NMU: variants seen among roughly 807,000 people sequenced by gnomAD.
NMU encodes the protein neuromedin U, also known as neuromedin-U.
In NMU, 29 loss-of-function variants were observed where a neutral mutation model predicts 35.4. That is an observed-to-expected ratio of 0.82 (90% confidence interval 0.61 to 1.12). The LOEUF is 1.12. NMU is among the 50% of genes most tolerant of loss of function. The pLI is 0.00. For synonymous variants in NMU, 78 were observed against 81.3 expected, an observed-to-expected ratio of 0.96 and a Z score of 0.22; for missense variants, 199 against 206.2, an observed-to-expected ratio of 0.97 and a Z score of 0.21.
At chr4:55,630,962 G>T (rs751845697) in intron 1 of NMU, among the ~76,000 whole-genome samples, 10 of 152,086 alleles carry the variant, frequency 6.6e-5, no homozygotes, top group Non-Finnish European at 1.5e-4. Context: ...AAACAGTATG[G>T]TACTGGTATA....
chr4:55,596,607 C>T (rs946869407), intron 9 of NMU, among the ~76,000 whole-genome samples: 1 of 151,984 alleles, frequency 6.6e-6, no homozygotes, highest in African/African-American at 2.4e-5. Flanking sequence ...GATATGTTTT[C>T]TCATATTCCT....
intron 2 of NMU, among the ~76,000 whole-genome samples, chr4:55,625,169 TAA>T (rs760890031): frequency 1.7e-4 from 17 of 98,330 alleles, no homozygotes; most frequent in Admixed American, 8.7e-4. Context: ...AAAGTATAAT[TAA>T]AAAAAAAAAA....
In NMU at chr4:55,599,302, T is replaced by G. The variant is rs1161742954; in HGVS notation, c.490-121A>C. On this transcript the variant is annotated intron_variant, in intron 8 of 9. Transcript: ENST00000264218. ...GCATCACAATCATCTAGAGGGCTTTTTACAACATAGACTGCTGGACCCCAT... is the reference window on the plus strand; with the variant it reads ...GCATCACAATCATCTAGAGGGCTTTGTACAACATAGACTGCTGGACCCCAT... The G allele has an allele frequency of 2.0e-5, 16 of 790,692 alleles. No individual in the cohort carries two copies. The Middle Eastern group carries it at 1.2e-3, about 57-fold the overall frequency. 49.0% of individuals were successfully genotyped at this position (790,692 alleles called of 1,614,324 possible).
intron 7 of NMU, among the ~76,000 whole-genome samples, chr4:55,604,025 A>ATG (rs1733566657): frequency 9.7e-4 from 70 of 71,862 alleles, no homozygotes; most frequent in African/African-American, 2.4e-3. Flanking sequence ...GTGTATATAT[A>ATG]TAATCCTAGA....
chr4:55,604,883 T>A (rs1381375096), intron 7 of NMU, among the ~76,000 whole-genome samples: 1 of 151,856 alleles, frequency 6.6e-6, no homozygotes, highest in African/African-American at 2.4e-5. Context: ...CCATCCTAGC[T>A]ATTTGCCAAG....
intron 9 of NMU, among the ~76,000 whole-genome samples, chr4:55,596,481 AGC>A (rs1445827397): frequency 1.3e-5 from 2 of 151,876 alleles, no homozygotes; most frequent in Non-Finnish European, 2.9e-5. Flanking sequence ...TTTAATATTA[AGC>A]TATTTAATAA....
intron 3 of NMU, among the ~76,000 whole-genome samples, chr4:55,613,884 C>A (rs1289654375): frequency 1.3e-5 from 2 of 152,122 alleles, no homozygotes; most frequent in Non-Finnish European, 2.9e-5. Flanking sequence ...CAGCGACCAC[C>A]AAGCATATGA....
At chr4:55,605,204 C>A in intron 7 of NMU, 71 bp downstream of exon 7, 1 of 1,007,428 alleles carries the variant, frequency 9.9e-7, no homozygotes, top group Non-Finnish European at 1.6e-6. Flanking sequence ...TGAACTACCA[C>A]AGCTGGGAAT....
chr4:55,636,681 C>A (rs1422984251), upstream of NMU: 1 of 153,430 alleles, frequency 6.5e-6, no homozygotes, highest in East Asian at 1.9e-4. This position sits in a 1 kb window ranked among gnomAD's most constrained non-coding sequence, Gnocchi z 4.0. Flanking sequence ...TTCCAGAGCT[C>A]CGGCAGTCAC....
intron 7 of NMU, among the ~76,000 whole-genome samples, chr4:55,602,891 A>G (rs1733481252): frequency 6.6e-6 from 1 of 152,144 alleles, no homozygotes; most frequent in Non-Finnish European, 1.5e-5. Flanking sequence ...ATTCACCTAA[A>G]CTCTATGTGT....
At chr4:55,636,303 G>A (rs951844845), upstream of NMU, 70 of 1,339,842 alleles carry the variant, frequency 5.2e-5, no homozygotes, top group Non-Finnish European at 6.6e-5. This position sits in a 1 kb window ranked among gnomAD's most constrained non-coding sequence, Gnocchi z 4.0. Flanking sequence ...AGGACTGAGC[G>A]CCCGGCGAGC....
At chr4:55,611,767 C>T (rs79485694) in intron 3 of NMU, among the ~76,000 whole-genome samples, 2,642 of 152,248 alleles carry the variant, frequency 0.017, 69 homozygotes, top group African/African-American at 0.06. Flanking sequence ...GTAGGCTGTA[C>T]ATCTAGATTT....
At chr4:55,636,355 C>CGGCGG, upstream of NMU, 4 of 1,085,012 alleles carry the variant, frequency 3.7e-6, no homozygotes, top group Non-Finnish European at 4.8e-6. This position sits in a 1 kb window ranked among gnomAD's most constrained non-coding sequence, Gnocchi z 4.0. Context: ...CTGGGCTGCG[C>CGGCGG]GGTCCCCGCC....
In NMU at chr4:55,605,366, A is replaced by G. The variant is rs755461930; in HGVS notation, c.361-17T>C. 7.5e-6 allele frequency: 12 copies of G among 1,591,992 alleles called. No homozygotes were observed. The highest frequency in any genetic ancestry group is 3.3e-5 in the South Asian group (3 of 90,668). ...AACTGACGACTGAGAGGACATGAAC[A>G]CACACGTGAATAAGTGCATGGCTTC... On this transcript the variant is annotated splice_polypyrimidine_tract_variant and intron_variant, in intron 6 of 9. Coordinates refer to ENST00000264218, the MANE Select transcript of NMU (RefSeq NM_006681.4).
intron 1 of NMU, among the ~76,000 whole-genome samples, chr4:55,632,928 T>A (rs1715684278): frequency 6.6e-6 from 1 of 151,654 alleles, no homozygotes. Flanking sequence ...AAAGGGTATT[T>A]TGTGGCTCTT....
chr4:55,616,127 A>G (rs1734101457), intron 3 of NMU, among the ~76,000 whole-genome samples: 1 of 152,172 alleles, frequency 6.6e-6, no homozygotes, highest in Admixed American at 6.5e-5. Flanking sequence ...ATACGTGTAT[A>G]TTGTCTGCAA....
intron 9 of NMU, among the ~76,000 whole-genome samples, chr4:55,595,636 TA>T (rs1474114359): frequency 3.4e-4 from 37 of 109,654 alleles, no homozygotes; most frequent in African/African-American, 1.6e-3. Context: ...TATATATATA[TA>T]TATATATTTT....
At chr4:55,629,224 C>T (rs150211064) in intron 2 of NMU, among the ~76,000 whole-genome samples, 11 of 152,172 alleles carry the variant, frequency 7.2e-5, no homozygotes, top group South Asian at 2.1e-4. Context: ...TTATACACAA[C>T]GAGAATGTGT....
In NMU at chr4:55,607,429, C is replaced by T. The variant is rs370781517; in HGVS notation, c.309+8G>A. The T allele has an allele frequency of 3.6e-5, 40 of 1,102,484 alleles. No homozygotes were observed. Among genetic ancestry groups the T allele is most frequent in the Non-Finnish European group, 4.8e-5 (35 of 729,092 alleles). 68.3% of individuals were successfully genotyped at this position (1,102,484 alleles called of 1,614,324 possible). ...TTATAAGGTATAGATGTATGAAAAT[C>T]ATCTTACCCTTTTAGTATTATCTTT... On this transcript the variant is annotated splice_region_variant and intron_variant, in intron 5 of 9. Transcript: ENST00000264218.
Sources: allele counts gnomAD v4.1 joint callset (sites outside exome capture counted in the v4.1 genomes callset), GRCh38; gene constraint gnomAD v4.1.1; non-coding constraint Gnocchi (gnomAD v3.1); transcripts MANE v1.5; gene names NCBI Gene and HGNC (gene_info 2026-07-23, HGNC 2026-07-21).